The following PARD3 variants were observed in gnomAD, a reference collection of about 807,000 sequenced individuals.
PARD3 encodes partitioning defective 3 homolog.
In PARD3, 75 loss-of-function variants were observed where a neutral mutation model predicts 155.4. The observed-to-expected ratio is 0.48, with a 90% CI of 0.40 to 0.58. The LOEUF is 0.58. Ranked by LOEUF, PARD3 falls within the 20% of genes least tolerant of loss-of-function variation. The probability of loss-of-function intolerance (pLI) is 0.00; values close to 1 mark genes in which losing one functional copy is unlikely to be tolerated. For missense variants in PARD3, 1,642 were observed against 1,721.7 expected, an observed-to-expected ratio of 0.95 and a Z score of 0.82; for synonymous variants, 576 against 610.5, an observed-to-expected ratio of 0.94 and a Z score of 0.83.
chr10:34,553,442 CA>C (rs988652809), intron 2 of PARD3, among the ~76,000 whole-genome samples: 2 of 152,068 alleles, frequency 1.3e-5, no homozygotes, highest in African/African-American at 4.8e-5. Context: ...ATTGCATGAC[CA>C]AGTGGAGGAA....
Position 34,226,505 on chromosome 10 carries a change from G to A in PARD3, c.3419+43152C>T, listed in dbSNP as rs868658422. 3.3e-5 allele frequency among the ~76,000 whole-genome samples: 5 copies of A among 152,146 alleles called. 1 individual carries two copies. Among genetic ancestry groups the A allele is most frequent in the Admixed American group, 1.3e-4 (2 of 15,280 alleles). ...GCAGAGGTTGCTGTGAGCCAAGATC[G>A]CACCACTGCACTCCAGCCTGGGGGA... is the stretch of plus-strand genomic sequence containing the variant. On this transcript the variant is annotated intron_variant, in intron 22 of 24. Transcript: ENST00000374788.
intron 22 of PARD3, among the ~76,000 whole-genome samples, chr10:34,225,178 C>T (rs1952523002): frequency 6.6e-6 from 1 of 152,076 alleles, no homozygotes; most frequent in African/African-American, 2.4e-5. Flanking sequence ...CATGACAATA[C>T]TGGATTTCAT....
intron 1 of PARD3, among the ~76,000 whole-genome samples, chr10:34,701,306 C>G (rs2094271848): frequency 6.6e-6 from 1 of 151,506 alleles, no homozygotes; most frequent in Non-Finnish European, 1.5e-5. Context: ...CTACTGAAAG[C>G]CCACTGAAAC....
chr10:34,240,264 G>A (rs1259508901), intron 22 of PARD3, among the ~76,000 whole-genome samples: 1 of 152,138 alleles, frequency 6.6e-6, no homozygotes, highest in African/African-American at 2.4e-5. Context: ...AGGTAAGAGG[G>A]CACATTACTA....
chr10:34,747,840 C>A (rs1363175850), intron 1 of PARD3, among the ~76,000 whole-genome samples: 1 of 152,216 alleles, frequency 6.6e-6, no homozygotes, highest in Non-Finnish European at 1.5e-5. Flanking sequence ...CTGGCTGACT[C>A]AGCATCCACT....
chr10:34,449,445 C>G (rs2076935291), intron 5 of PARD3, among the ~76,000 whole-genome samples: 2 of 121,152 alleles, frequency 1.7e-5, no homozygotes, highest in African/African-American at 3.2e-5. Context: ...AAATAATTAA[C>G]TCATTGGAGG....
At chr10:34,414,120 C>A (rs1845407167) in intron 5 of PARD3, among the ~76,000 whole-genome samples, 1 of 151,822 alleles carries the variant, frequency 6.6e-6, no homozygotes, top group African/African-American at 2.4e-5. Flanking sequence ...ATCACTTGAG[C>A]CCCAGAGGTC....
intron 2 of PARD3, among the ~76,000 whole-genome samples, chr10:34,571,004 T>C (rs1388812819): frequency 1.7e-4 from 26 of 152,108 alleles, no homozygotes; most frequent in Admixed American, 1.6e-3. Context: ...ATCAAGCACC[T>C]ATGGTCCTAT....
At chr10:34,694,905 A>T (rs532799344) in intron 2 of PARD3, among the ~76,000 whole-genome samples, 1 of 152,198 alleles carries the variant, frequency 6.6e-6, no homozygotes, top group South Asian at 2.1e-4. Context: ...TGAACAAGAC[A>T]CAACAGCTGT....
At chr10:34,302,048 A>G (rs1361173919) in intron 20 of PARD3, among the ~76,000 whole-genome samples, 1 of 151,890 alleles carries the variant, frequency 6.6e-6, no homozygotes, top group Non-Finnish European at 1.5e-5. Context: ...AAACTTTATC[A>G]AGCTATTCTC....
intron 2 of PARD3, among the ~76,000 whole-genome samples, chr10:34,654,969 A>G (rs1180286133): frequency 6.6e-6 from 1 of 152,102 alleles, no homozygotes; most frequent in Non-Finnish European, 1.5e-5. Flanking sequence ...TATTCTTGTT[A>G]CGAAAACGGA....
At chr10:34,515,806 T>A (rs886618839) in intron 3 of PARD3, among the ~76,000 whole-genome samples, 1 of 151,934 alleles carries the variant, frequency 6.6e-6, no homozygotes, top group African/African-American at 2.4e-5. Context: ...TCTACCTATA[T>A]TCTGTATCTT....
intron 2 of PARD3, among the ~76,000 whole-genome samples, chr10:34,572,676 C>T (rs976525226): frequency 6.6e-6 from 1 of 151,286 alleles, no homozygotes; most frequent in Non-Finnish European, 1.5e-5. Flanking sequence ...GGAAAAAGCA[C>T]ACTGAGCTCA....
chr10:34,412,641 A>C (rs1476456503), intron 5 of PARD3, among the ~76,000 whole-genome samples: 1 of 152,246 alleles, frequency 6.6e-6, no homozygotes, highest in Admixed American at 6.5e-5. Context: ...TCGTTTCATT[A>C]GATTTAATAA....
intron 1 of PARD3, among the ~76,000 whole-genome samples, chr10:34,800,006 TG>T (rs1842701055): frequency 6.6e-6 from 1 of 152,034 alleles, no homozygotes; most frequent in East Asian, 1.9e-4. Context: ...GGTACATACC[TG>T]TAGTCCCAGC....
At chr10:34,781,674 G>C (rs1840252636) in intron 1 of PARD3, among the ~76,000 whole-genome samples, 2 of 152,194 alleles carry the variant, frequency 1.3e-5, no homozygotes, top group Non-Finnish European at 2.9e-5. Context: ...AGGAAAAGTT[G>C]AGTGCAGGAA....
chr10:34,689,687 A>G (rs944791861), intron 2 of PARD3, among the ~76,000 whole-genome samples: 1 of 152,230 alleles, frequency 6.6e-6, no homozygotes, highest in Non-Finnish European at 1.5e-5. Flanking sequence ...TCTAGAAAAT[A>G]TATTTTTTAT....
At chr10:34,234,897 T>A (rs909590178) in intron 22 of PARD3, among the ~76,000 whole-genome samples, 6 of 152,240 alleles carry the variant, frequency 3.9e-5, no homozygotes, top group African/African-American at 1.4e-4. Flanking sequence ...CTTATAAAAA[T>A]GATTTTGCAA....
intron 22 of PARD3, among the ~76,000 whole-genome samples, chr10:34,250,112 T>C (rs1432660369): frequency 3.9e-5 from 6 of 151,944 alleles, no homozygotes; most frequent in Admixed American, 3.9e-4. Flanking sequence ...AATTTACACG[T>C]TATTATCAGC....
Sources: gnomAD v4.1 joint callset for allele counts (sites outside exome capture counted in the v4.1 genomes callset) on GRCh38, gnomAD v4.1.1 for gene constraint, MANE v1.5 for transcripts, NCBI Gene and HGNC (gene_info 2026-07-23, HGNC 2026-07-21) for gene names.